RABGAP1L: variants seen among roughly 807,000 people sequenced by gnomAD.
The protein encoded by RABGAP1L is RAB GTPase activating protein 1 like.
A neutral mutation model predicts 137.7 loss-of-function variants in RABGAP1L; 63 were observed. The ratio of observed to expected loss-of-function variants is 0.46; its 90% confidence interval spans 0.37 to 0.56. RABGAP1L has a LOEUF of 0.56. Ranked by LOEUF, RABGAP1L falls within the 20% of genes least tolerant of loss-of-function variation. The pLI, the probability that RABGAP1L is intolerant of heterozygous loss-of-function variation, is 0.00. For missense variants in RABGAP1L, 1,095 were observed against 1,244.0 expected (o/e 0.88, Z 1.80); for synonymous variants, 431 against 433.7 (o/e 0.99, Z 0.08).
At chr1:174,917,069 G>A (rs1445435317) in intron 19 of RABGAP1L, among the ~76,000 whole-genome samples, 2 of 152,158 alleles carry the variant, frequency 1.3e-5, no homozygotes, top group African/African-American at 4.8e-5. Context: ...GAGAGGGAGA[G>A]TTTTGGTTTC....
intron 1 of RABGAP1L, among the ~76,000 whole-genome samples, chr1:174,164,677 G>A (rs974762006): frequency 1.7e-4 from 26 of 152,156 alleles, no homozygotes; most frequent in Admixed American, 1.7e-3. Context: ...ATAGGTAGTT[G>A]TTAAACATTT....
At chr1:174,544,838 T>A in intron 13 of RABGAP1L, 1 of 179,832 alleles carries the variant, frequency 5.6e-6, no homozygotes, top group Non-Finnish European at 1.2e-5. Flanking sequence ...CGACCCTCTG[T>A]TGCAGGTCTG....
At chr1:174,909,037 G>C (rs1361303074) in intron 19 of RABGAP1L, among the ~76,000 whole-genome samples, 1 of 151,276 alleles carries the variant, frequency 6.6e-6, no homozygotes, top group African/African-American at 2.4e-5. Context: ...CCATTAACCA[G>C]GTATGGTGGT....
intron 18 of RABGAP1L, among the ~76,000 whole-genome samples, chr1:174,755,184 A>G (rs1684642186): frequency 6.6e-6 from 1 of 152,220 alleles, no homozygotes; most frequent in African/African-American, 2.4e-5. Context: ...AAAGACACCT[A>G]CTTTCTGAAC....
chr1:174,623,295 G>T (rs2148281364), intron 13 of RABGAP1L, among the ~76,000 whole-genome samples: 1 of 152,210 alleles, frequency 6.6e-6, no homozygotes, highest in African/African-American at 2.4e-5. Context: ...ATTTTTTGAT[G>T]GCCAATTTGT....
intron 18 of RABGAP1L, among the ~76,000 whole-genome samples, chr1:174,787,151 C>G (rs573087960): frequency 7.0e-4 from 107 of 152,116 alleles, no homozygotes; most frequent in African/African-American, 2.6e-3. Flanking sequence ...ACCTGTAATC[C>G]CAGCACTTTG....
intron 19 of RABGAP1L, among the ~76,000 whole-genome samples, chr1:174,924,544 GA>G (rs957221919): frequency 6.6e-6 from 1 of 152,106 alleles, no homozygotes; most frequent in Non-Finnish European, 1.5e-5. Flanking sequence ...CTACTTCGCA[GA>G]GCATTTAGGG....
chr1:174,771,825 TAATA>T (rs1178702644), intron 18 of RABGAP1L, among the ~76,000 whole-genome samples: 6 of 152,382 alleles, frequency 3.9e-5, no homozygotes, highest in Non-Finnish European at 7.3e-5. Flanking sequence ...TTTAAATGTT[TAATA>T]AATAAAATTA....
chr1:174,699,032 T>C (rs1202135808), intron 15 of RABGAP1L, among the ~76,000 whole-genome samples: 2 of 151,970 alleles, frequency 1.3e-5, no homozygotes, highest in Non-Finnish European at 2.9e-5. Context: ...TCTCGCTCTG[T>C]CACCCATGCT....
At chr1:174,813,108 C>G (rs1395615641) in intron 19 of RABGAP1L, among the ~76,000 whole-genome samples, 1 of 152,140 alleles carries the variant, frequency 6.6e-6, no homozygotes, top group Non-Finnish European at 1.5e-5. Flanking sequence ...TATGATCTGT[C>G]TGAGGTTTTT....
intron 13 of RABGAP1L, among the ~76,000 whole-genome samples, chr1:174,475,559 A>G (rs1658410932): frequency 6.6e-6 from 1 of 152,100 alleles, no homozygotes; most frequent in Admixed American, 6.5e-5. Flanking sequence ...CTACTTTTGT[A>G]GGTAAATAGG....
chr1:174,820,088 C>T (rs938015337), intron 19 of RABGAP1L, among the ~76,000 whole-genome samples: 1 of 152,114 alleles, frequency 6.6e-6, no homozygotes, highest in Non-Finnish European at 1.5e-5. Context: ...CTCAAAAGAA[C>T]AGCTAGTCTA....
At chr1:174,204,489 T>A (rs773614767) in intron 1 of RABGAP1L, among the ~76,000 whole-genome samples, 5 of 152,196 alleles carry the variant, frequency 3.3e-5, no homozygotes, top group African/African-American at 4.8e-5. Context: ...GTTGTGCCGG[T>A]TTTTACAGGG....
chr1:174,435,145 A>C (rs1177833618), intron 13 of RABGAP1L, among the ~76,000 whole-genome samples: 1 of 152,082 alleles, frequency 6.6e-6, no homozygotes, highest in Non-Finnish European at 1.5e-5. Context: ...CTCAGCTTGC[A>C]GGTAGCTGAG....
intron 13 of RABGAP1L, among the ~76,000 whole-genome samples, chr1:174,515,397 A>T (rs1247560790): frequency 1.3e-5 from 2 of 152,194 alleles, no homozygotes; most frequent in African/African-American, 4.8e-5. Context: ...ATGCACACAC[A>T]CTGAAGTATA....
At chr1:174,523,825 C>G (rs1437488572) in intron 13 of RABGAP1L, among the ~76,000 whole-genome samples, 1 of 152,158 alleles carries the variant, frequency 6.6e-6, no homozygotes, top group Non-Finnish European at 1.5e-5. Context: ...GTACCTCATT[C>G]TATTCTCAAT....
intron 10 of RABGAP1L, among the ~76,000 whole-genome samples, chr1:174,280,889 G>C (rs754041691): frequency 2.2e-4 from 33 of 152,158 alleles, no homozygotes; most frequent in Admixed American, 6.5e-4. Flanking sequence ...TCCAGAGTTT[G>C]TTCCTTCAGA....
chr1:174,598,784 G>T lies in RABGAP1L; in HGVS notation c.1711-38591G>T, dbSNP rs181551133. Among the ~76,000 whole-genome samples, 7 of 151,278 alleles carry T rather than the reference G, an allele frequency of 4.6e-5. 1 individual carries two copies. The highest frequency in any genetic ancestry group is 4.6e-4 in the Admixed American group (7 of 15,194). On this transcript the variant is annotated intron_variant, in intron 13 of 25. Transcript: ENST00000681986. ...TCCCATTCCTTTATTTTTAGTCTAT[G>T]TGTGTCTTTATTGATGAAATATTTC... is the stretch of plus-strand genomic sequence containing the variant.
At chr1:174,510,161 C>A (rs1662195305) in intron 13 of RABGAP1L, among the ~76,000 whole-genome samples, 1 of 152,156 alleles carries the variant, frequency 6.6e-6, no homozygotes, top group African/African-American at 2.4e-5. Context: ...AGGCCTGTCC[C>A]AGTTTAGCTC....
Sources: allele counts gnomAD v4.1 joint callset (sites outside exome capture counted in the v4.1 genomes callset), GRCh38; gene constraint gnomAD v4.1.1; transcripts MANE v1.5; gene names NCBI Gene and HGNC (gene_info 2026-07-23, HGNC 2026-07-21).